COL6A5: variants seen among roughly 807,000 people sequenced by gnomAD.
The protein encoded by COL6A5 is collagen alpha-5(VI) chain.
COL6A5 carries 48 observed loss-of-function variants against 65.6 expected under a neutral mutation model. That is an observed-to-expected ratio of 0.73 (90% confidence interval 0.58 to 0.93). The LOEUF (loss-of-function observed/expected upper bound fraction) is 0.93. Ranked by LOEUF, COL6A5 falls within the 40% of genes least tolerant of loss-of-function variation. The probability of loss-of-function intolerance (pLI) is 0.00; values close to 1 mark genes in which losing one functional copy is unlikely to be tolerated. For synonymous variants in COL6A5, 291 were observed against 322.8 expected, an observed-to-expected ratio of 0.90 and a Z score of 1.05; for missense variants, 914 against 928.3, an observed-to-expected ratio of 0.98 and a Z score of 0.20.
intron 23 of COL6A5, among the ~76,000 whole-genome samples, chr3:130,415,971 C>A (rs896405596): frequency 6.6e-6 from 1 of 152,082 alleles, no homozygotes; most frequent in African/African-American, 2.4e-5. Context: ...ATAAATATTG[C>A]CCAATCATAA....
intron 3 of COL6A5, among the ~76,000 whole-genome samples, chr3:130,441,351 A>G (rs1209102109): frequency 1.3e-5 from 2 of 152,300 alleles, no homozygotes; most frequent in African/African-American, 2.4e-5. Context: ...AGTAATGTCA[A>G]TGCTGCTGGT....
intron 20 of COL6A5, 85 bp from the exon 21 acceptor site, chr3:130,413,460 G>T (rs11713542): frequency 0.68 from 857,724 of 1,256,842 alleles, 308,783 homozygotes; most frequent in Non-Finnish European, 0.75. Context: ...CTTATGTCTA[G>T]CAGAGAATGA....
At chr3:130,484,482 C>G in exon 8 of COL6A5, 1 of 401,682 alleles carries the variant, frequency 2.5e-6, no homozygotes. Context: ...ATTCTTAAAA[C>G]TGGAAAGCCA....
At chr3:130,459,153 T>G (rs1709644829) in intron 5 of COL6A5, among the ~76,000 whole-genome samples, 1 of 152,110 alleles carries the variant, frequency 6.6e-6, no homozygotes, top group African/African-American at 2.4e-5. Flanking sequence ...GCTCCTAGCT[T>G]TAAGCAGCCC....
intron 7 of COL6A5, 35 bp downstream of exon 39, chr3:130,471,002 C>T: frequency 7.2e-7 from 1 of 1,391,310 alleles, no homozygotes; most frequent in Non-Finnish European, 1.0e-6. Context: ...GGTAATACCA[C>T]AACTGGAAAC....
At chr3:130,429,907 G>A (rs986271351), upstream of COL6A5, among the ~76,000 whole-genome samples, 12 of 152,110 alleles carry the variant, frequency 7.9e-5, no homozygotes, top group African/African-American at 2.2e-4. Flanking sequence ...TGCTGCTGAC[G>A]CCCTTGACAC....
At chr3:130,431,383 C>T (rs1937798519), upstream of COL6A5, 5 of 1,466,980 alleles carry the variant, frequency 3.4e-6, no homozygotes, top group Non-Finnish European at 4.6e-6. Flanking sequence ...TCTGTATGAA[C>T]CCACTTCATT....
chr3:130,410,194 C>T (rs1937131210), intron 19 of COL6A5, 120 bp downstream of exon 19: 12 of 762,160 alleles, frequency 1.6e-5, no homozygotes, highest in African/African-American at 1.8e-5. Context: ...TTGAAAAGAC[C>T]TTTATTTTTT....
chr3:130,396,624 G>C (rs912533821), intron 8 of COL6A5, among the ~76,000 whole-genome samples: 4 of 152,132 alleles, frequency 2.6e-5, no homozygotes, highest in African/African-American at 9.7e-5. Context: ...TTGACATCAG[G>C]CTCCTCTTTG....
At chr3:130,370,060 G>A (rs1446454931) in intron 1 of COL6A5, among the ~76,000 whole-genome samples, 3 of 152,076 alleles carry the variant, frequency 2.0e-5, no homozygotes, top group East Asian at 1.9e-4. Flanking sequence ...CTCCAAAATG[G>A]CCAATTAATT....
chr3:130,379,738 T>C, exon 4 of COL6A5: 7 of 1,551,406 alleles, frequency 4.5e-6, no homozygotes, highest in Non-Finnish European at 6.1e-6. Flanking sequence ...CTCAGAGTCA[T>C]ATGGCAGCAG....
At chr3:130,462,770 C>T (rs1384602353) in intron 5 of COL6A5, among the ~76,000 whole-genome samples, 1 of 152,000 alleles carries the variant, frequency 6.6e-6, no homozygotes, top group Non-Finnish European at 1.5e-5. Flanking sequence ...TGGAAGAAAA[C>T]GTTCTCTGGT....
At chr3:130,355,268 G>C (rs895003148) in intron 1 of COL6A5, among the ~76,000 whole-genome samples, 67 of 151,866 alleles carry the variant, frequency 4.4e-4, no homozygotes, top group African/African-American at 1.5e-3. Flanking sequence ...CACAAAGCAA[G>C]AATTACACTT....
At chr3:130,348,097 G>C (rs1422125462) in intron 1 of COL6A5, among the ~76,000 whole-genome samples, 2 of 152,086 alleles carry the variant, frequency 1.3e-5, no homozygotes, top group Non-Finnish European at 2.9e-5. Flanking sequence ...ATTCTCCAAG[G>C]AACCATTCTT....
intron 7 of COL6A5, among the ~76,000 whole-genome samples, chr3:130,393,362 C>G (rs1465936717): frequency 1.3e-5 from 2 of 152,130 alleles, no homozygotes; most frequent in East Asian, 3.9e-4. Context: ...CAAAACCTGA[C>G]CCCGTGTCCC....
chr3:130,376,419 C>A (rs779532769), exon 3 of COL6A5: 3 of 1,613,314 alleles, frequency 1.9e-6, no homozygotes, highest in Non-Finnish European at 2.5e-6. Flanking sequence ...TGAATTCCAT[C>A]TGAGCACCTT....
chr3:130,385,141 C>T (rs1484916070), exon 5 of COL6A5: 1 of 1,550,920 alleles, frequency 6.4e-7, no homozygotes, highest in Non-Finnish European at 8.7e-7. Flanking sequence ...TTCCCTGTTA[C>T]CTCATTGTGT....
chr3:130,455,533 A>G, exon 5 of COL6A5: 1 of 1,612,886 alleles, frequency 6.2e-7, no homozygotes, highest in Non-Finnish European at 8.5e-7. Context: ...GGAGAGAATC[A>G]CCTTTTGTAA....
At chr3:130,405,488 A>C in intron 13 of COL6A5, 100 bp from the exon 14 acceptor site, 2 of 714,154 alleles carry the variant, frequency 2.8e-6, no homozygotes, top group Non-Finnish European at 4.8e-6. Flanking sequence ...TCTAAAGCTC[A>C]TAGTGCCCAT....
Sources: gnomAD v4.1 joint callset for allele counts (sites outside exome capture counted in the v4.1 genomes callset) on GRCh38, gnomAD v4.1.1 for gene constraint, MANE v1.5 for transcripts, NCBI Gene and HGNC (gene_info 2026-07-23, HGNC 2026-07-21) for gene names.